LAMC1: variants seen among roughly 807,000 people sequenced by gnomAD.
LAMC1 encodes the protein laminin subunit gamma-1.
LAMC1 carries 38 observed loss-of-function variants against 173.6 expected under a neutral mutation model. That is an observed-to-expected ratio of 0.22 (90% CI 0.17 to 0.29). The LOEUF is 0.29. Ranked by LOEUF, LAMC1 falls within the 10% of genes least tolerant of loss-of-function variation. The pLI is 1.00. For synonymous variants in LAMC1, 746 were observed against 749.1 expected (o/e 1.00, Z 0.07); for missense variants, 1,824 against 2,051.8 (o/e 0.89, Z 2.14).
chr1:183,128,779 C>G (rs543232602), intron 18 of LAMC1, 29 bp downstream of exon 18: 1 of 1,530,194 alleles, frequency 6.5e-7, no homozygotes, highest in African/African-American at 1.4e-5. Context: ...TGCATGACTT[C>G]TGTGAGATGG....
intron 1 of LAMC1, among the ~76,000 whole-genome samples, chr1:183,099,793 T>C (rs1334035884): frequency 1.3e-5 from 2 of 152,136 alleles, no homozygotes; most frequent in Non-Finnish European, 2.9e-5. Context: ...GACATCTCTC[T>C]TGGCCCGTCA....
At chr1:183,053,462 T>C (rs1654492988) in intron 1 of LAMC1, among the ~76,000 whole-genome samples, 1 of 152,114 alleles carries the variant, frequency 6.6e-6, no homozygotes. Flanking sequence ...TTGAAAAGTA[T>C]TGAGTTACAT....
At chr1:183,065,809 T>G (rs1654860880) in intron 1 of LAMC1, among the ~76,000 whole-genome samples, 1 of 152,204 alleles carries the variant, frequency 6.6e-6, no homozygotes, top group African/African-American at 2.4e-5. Flanking sequence ...GAGAGGCAAA[T>G]GGTATTGAAA....
chr1:183,092,582 C>T (rs1048528554), intron 1 of LAMC1, among the ~76,000 whole-genome samples: 5 of 152,110 alleles, frequency 3.3e-5, no homozygotes, highest in African/African-American at 1.2e-4. Context: ...ATGAGAACTA[C>T]TATAACAGGA....
intron 1 of LAMC1, 74 bp downstream of exon 1, chr1:183,024,208 G>C (rs1653617838): frequency 7.0e-7 from 1 of 1,431,988 alleles, no homozygotes; most frequent in African/African-American, 1.4e-5. Context: ...CGTCCCAGTG[G>C]CCGGCCTCAC....
chr1:183,126,065 G>T (rs75460843), intron 15 of LAMC1, 55 bp from the exon 16 acceptor site: 5 of 1,537,266 alleles, frequency 3.3e-6, no homozygotes, highest in Middle Eastern at 1.7e-4. Context: ...AAAAAAAAAA[G>T]TTGTGCTTAA....
rs187442909 is a variant in LAMC1, at chr1:183,063,759, A to G, written c.419-39569A>G. ...ATAAAGAGTTTAGTCAAATTCATACATCGGATGAACTTATCAAATACAGAG... is the reference window on the plus strand; with the variant it reads ...ATAAAGAGTTTAGTCAAATTCATACGTCGGATGAACTTATCAAATACAGAG... On this transcript the variant is annotated intron_variant, in intron 1 of 27. Transcript: ENST00000258341. Among the ~76,000 whole-genome samples the G allele has an allele frequency of 2.8e-3, 431 of 152,342 alleles. 4 individuals carry two copies. Among genetic ancestry groups the G allele is most frequent in the African/African-American group, 9.8e-3 (406 of 41,578 alleles).
At chr1:183,102,149 C>T (rs1655853526) in intron 1 of LAMC1, among the ~76,000 whole-genome samples, 1 of 152,164 alleles carries the variant, frequency 6.6e-6, no homozygotes, top group African/African-American at 2.4e-5. Context: ...GTCCAGGCCA[C>T]ACATGAGGAA....
chr1:183,057,730 T>G (rs1054284533), intron 1 of LAMC1, among the ~76,000 whole-genome samples: 1 of 151,542 alleles, frequency 6.6e-6, no homozygotes, highest in African/African-American at 2.4e-5. Flanking sequence ...CACTCCAGCC[T>G]GGGTGACAGA....
At chr1:183,124,597 T>A in intron 13 of LAMC1, 34 bp from the exon 14 acceptor site, 1 of 1,612,972 alleles carries the variant, frequency 6.2e-7, no homozygotes, top group Non-Finnish European at 8.5e-7. Context: ...GTCTAAGGCC[T>A]TTCTTTCATA....
chr1:183,030,187 A>C (rs969831702), intron 1 of LAMC1, among the ~76,000 whole-genome samples: 3 of 152,212 alleles, frequency 2.0e-5, no homozygotes, highest in Non-Finnish European at 4.4e-5. Context: ...CTGTTTTTGC[A>C]CAATAAGGGC....
chr1:183,113,833 T>C (rs1173349724), intron 4 of LAMC1, among the ~76,000 whole-genome samples: 5 of 152,212 alleles, frequency 3.3e-5, no homozygotes, highest in African/African-American at 7.2e-5. Context: ...GCATATAAAA[T>C]GGCACTTTGT....
At chr1:183,071,163 G>A (rs1655002624) in intron 1 of LAMC1, among the ~76,000 whole-genome samples, 1 of 150,992 alleles carries the variant, frequency 6.6e-6, no homozygotes, top group African/African-American at 2.4e-5. Context: ...TGGTGTGTAT[G>A]TGTGTGTTTG....
chr1:183,023,808 G>T lies in LAMC1; in HGVS notation c.92G>T (p.Gly31Val). The T allele has an allele frequency of 6.5e-7, 1 of 1,544,796 alleles. No individual in the cohort carries two copies. The highest frequency in any genetic ancestry group is 8.7e-7 in the Non-Finnish European group (1 of 1,147,002). ...GTGCTGGCGGCGGCCGCCGCGGCGG[G>T]CTGTGCCCAGGCAGCCATGGACGAG... ...LAVLAAAAAAGCAQAAMDECT... is the reference protein window; with the variant it reads ...LAVLAAAAAAVCAQAAMDECT... Residue 31 changes from glycine to valine, a missense_variant, in exon 1 of 28, where the codon GGC becomes GTC. Transcript: ENST00000258341.
At chr1:183,101,510 T>G (rs1655833537) in intron 1 of LAMC1, among the ~76,000 whole-genome samples, 1 of 151,696 alleles carries the variant, frequency 6.6e-6, no homozygotes, top group Admixed American at 6.6e-5. Flanking sequence ...AGTCAGGTCC[T>G]TTTATGTGAA....
At chr1:183,122,643 A>G (rs1463648595) in intron 13 of LAMC1, among the ~76,000 whole-genome samples, 1 of 152,048 alleles carries the variant, frequency 6.6e-6, no homozygotes, top group Non-Finnish European at 1.5e-5. Flanking sequence ...GCCTTTCCAC[A>G]TCCCTGTTCA....
At position 183,117,591 on chromosome 1, in the gene LAMC1, G is replaced by T; in HGVS notation, c.1745G>T (p.Arg582Leu). 6.2e-7 allele frequency: 1 copy of T among 1,614,138 alleles called. No individual in the cohort carries two copies. The highest frequency in any genetic ancestry group is 8.5e-7 in the Non-Finnish European group (1 of 1,180,042). ...GGTCAGAACCTCTCCTTCTCCTTTCGAGTGGACAGGCGAGATACTCGCCTC... is the reference window on the plus strand; with the variant it reads ...GGTCAGAACCTCTCCTTCTCCTTTCTAGTGGACAGGCGAGATACTCGCCTC... ...SYGQNLSFSFRVDRRDTRLSA... is the reference protein window; with the variant it reads ...SYGQNLSFSFLVDRRDTRLSA... Residue 582 changes from arginine to leucine, a missense_variant, in exon 10 of 28, where the codon CGA becomes CTA. Coordinates refer to ENST00000258341, the MANE Select transcript of LAMC1 (RefSeq NM_002293.4).
Position 183,114,636 on chromosome 1 carries a change from G to A in LAMC1, c.1127G>A (p.Gly376Asp). ...ACCAACTGCCAGGATAACACAGATG[G>A]CGCCCACTGTGAGAGGTGCCGAGAG... Reference protein sequence around the residue: ...HCTNCQDNTDGAHCERCRENF... With the variant: ...HCTNCQDNTDDAHCERCRENF... Residue 376 changes from glycine to aspartate, a missense_variant, in exon 5 of 28, where the codon GGC becomes GAC. Transcript: ENST00000258341. 2 of 1,614,196 alleles carry A rather than the reference G, an allele frequency of 1.2e-6. No homozygotes were observed. The highest frequency in any genetic ancestry group is 1.7e-6 in the Non-Finnish European group (2 of 1,180,042).
intron 1 of LAMC1, among the ~76,000 whole-genome samples, chr1:183,089,643 C>T (rs2102058105): frequency 6.6e-6 from 1 of 152,196 alleles, no homozygotes; most frequent in South Asian, 2.1e-4. Context: ...TAGAAAGAAG[C>T]TTTTAAAAAA....
Sources: allele counts gnomAD v4.1 joint callset (sites outside exome capture counted in the v4.1 genomes callset), GRCh38; gene constraint gnomAD v4.1.1; transcripts MANE v1.5; gene names NCBI Gene and HGNC (gene_info 2026-07-23, HGNC 2026-07-21).